CACNA2D1: variants seen among roughly 807,000 people sequenced by gnomAD.
CACNA2D1 encodes the protein voltage-dependent calcium channel subunit alpha-2/delta-1.
A neutral mutation model predicts 171.5 loss-of-function variants in CACNA2D1; 53 were observed. The ratio of observed to expected loss-of-function variants is 0.31; its 90% CI spans 0.25 to 0.39. The LOEUF (loss-of-function observed/expected upper bound fraction) is 0.39. Ranked by LOEUF, CACNA2D1 falls within the 10% of genes least tolerant of loss-of-function variation. CACNA2D1 has a pLI of 1.00. For missense variants in CACNA2D1, 903 were observed against 1,299.8 expected, an observed-to-expected ratio of 0.69 and a Z score of 4.69; for synonymous variants, 442 against 443.1, an observed-to-expected ratio of 1.00 and a Z score of 0.03.
intron 3 of CACNA2D1, among the ~76,000 whole-genome samples, chr7:82,230,563 T>A (rs982951222): frequency 1.3e-5 from 2 of 152,152 alleles, no homozygotes; most frequent in African/African-American, 2.4e-5. Context: ...CGCGCAAGAA[T>A]CATGTATTGG....
chr7:82,333,060 T>A (rs1390894805), intron 3 of CACNA2D1, among the ~76,000 whole-genome samples: 1 of 152,090 alleles, frequency 6.6e-6, no homozygotes. Context: ...TAACAAAAGA[T>A]GTATAAGAAG....
intron 1 of CACNA2D1, among the ~76,000 whole-genome samples, chr7:82,395,559 A>T (rs1336477589): frequency 2.6e-5 from 4 of 152,200 alleles, no homozygotes; most frequent in Non-Finnish European, 5.9e-5. Context: ...ATTTCATTTA[A>T]ATTCATTGAT....
intron 10 of CACNA2D1, among the ~76,000 whole-genome samples, chr7:82,042,473 A>G (rs1016798906): frequency 2.0e-5 from 3 of 152,190 alleles, no homozygotes; most frequent in Admixed American, 1.3e-4. Flanking sequence ...TTCTTGTAAA[A>G]GTGTGTATTT....
Position 82,267,713 on chromosome 7 carries a change from G to A in CACNA2D1, c.294+67422C>T, listed in dbSNP as rs893876235. Among the ~76,000 whole-genome samples the A allele has an allele frequency of 3.9e-5, 6 of 152,088 alleles. No homozygotes were observed. In the East Asian group the frequency reaches 9.6e-4, roughly 24 times the overall value. On this transcript the variant is annotated intron_variant, in intron 3 of 38. Transcript: ENST00000356860. Reference sequence around the variant, plus strand: ...TGAAAGCCCTTAAACCTACAAACTCGGCTGGGTGTGGTGGTTCACTCCTGT... The same window carrying A: ...TGAAAGCCCTTAAACCTACAAACTCAGCTGGGTGTGGTGGTTCACTCCTGT...
intron 3 of CACNA2D1, among the ~76,000 whole-genome samples, chr7:82,268,053 C>CA (rs1458840723): frequency 6.6e-6 from 1 of 151,846 alleles, no homozygotes; most frequent in African/African-American, 2.4e-5. Context: ...ATTTAGGGAA[C>CA]AAAAATAAAT....
intron 3 of CACNA2D1, among the ~76,000 whole-genome samples, chr7:82,190,474 T>C (rs1268838333): frequency 6.6e-6 from 1 of 151,818 alleles, no homozygotes; most frequent in Non-Finnish European, 1.5e-5. Flanking sequence ...TCAGCTTCAT[T>C]AACTTTCCTC....
At chr7:81,969,822 G>C in intron 28 of CACNA2D1, 59 bp downstream of exon 28, 2 of 897,380 alleles carry the variant, frequency 2.2e-6, no homozygotes, top group Non-Finnish European at 3.7e-6. Context: ...AGAGCAGATA[G>C]TAGCAGTAAT....
At chr7:82,372,030 T>C (rs997628442) in intron 1 of CACNA2D1, among the ~76,000 whole-genome samples, 8 of 152,310 alleles carry the variant, frequency 5.3e-5, no homozygotes, top group South Asian at 4.1e-4. Context: ...TAAAAGACTA[T>C]AGGCCTAGTA....
At chr7:82,222,582 G>C (rs1007049859) in intron 3 of CACNA2D1, among the ~76,000 whole-genome samples, 3 of 152,140 alleles carry the variant, frequency 2.0e-5, no homozygotes, top group African/African-American at 7.2e-5. Flanking sequence ...TATCACGAAT[G>C]CTTTCTCCTC....
intron 18 of CACNA2D1, among the ~76,000 whole-genome samples, chr7:82,005,089 G>C (rs1241116433): frequency 4.6e-5 from 7 of 152,080 alleles, no homozygotes; most frequent in Admixed American, 4.6e-4. Flanking sequence ...ATATTTATCA[G>C]GTTCACACTC....
At chr7:82,180,459 C>T (rs1797001800) in intron 3 of CACNA2D1, among the ~76,000 whole-genome samples, 1 of 152,178 alleles carries the variant, frequency 6.6e-6, no homozygotes, top group African/African-American at 2.4e-5. Flanking sequence ...AGGGTATCTC[C>T]TGCATCTGTG....
At position 82,437,445 on chromosome 7, in the gene CACNA2D1, C is replaced by T. The variant is rs184249421; in HGVS notation, c.95+5920G>A. Among the ~76,000 whole-genome samples the T allele has an allele frequency of 2.6e-5, 4 of 152,114 alleles. No individual in the cohort carries two copies. The East Asian group carries it at 7.7e-4, about 29-fold the overall frequency. On this transcript the variant is annotated intron_variant, in intron 1 of 38. Coordinates refer to ENST00000356860, the MANE Select transcript of CACNA2D1 (RefSeq NM_000722.4). Reference sequence around the variant, plus strand: ...ACTGCCACCAGTTCAAGTTTTTCTTCCATTTATGATACAGAATTTTAAATG... The same window carrying T: ...ACTGCCACCAGTTCAAGTTTTTCTTTCATTTATGATACAGAATTTTAAATG...
At position 81,949,278 on chromosome 7, in the gene CACNA2D1, A is replaced by G. The variant is rs1792284916; in HGVS notation, c.*1114T>C. 6.6e-6 allele frequency: 1 copy of G among 152,088 alleles called. No homozygotes were observed. The highest frequency in any genetic ancestry group is 2.4e-5 in the African/African-American group (1 of 41,442). 9.4% of individuals were successfully genotyped at this position (152,088 alleles called of 1,614,324 possible). A position where few individuals can be genotyped will look rare whatever the true frequency, so the allele number is the denominator to read the frequency against. On this transcript the variant is annotated 3_prime_UTR_variant, in exon 39 of 39. Coordinates refer to ENST00000356860, the MANE Select transcript of CACNA2D1 (RefSeq NM_000722.4). ...GCATGAATCTGTATAAAATTCATTA[A>G]TTCTCATTTCACCATTTATCTAACC...
chr7:82,297,096 A>AAT (rs1812392855), intron 3 of CACNA2D1, among the ~76,000 whole-genome samples: 27 of 133,126 alleles, frequency 2.0e-4, no homozygotes, highest in African/African-American at 7.3e-4. Flanking sequence ...AAAAAAAAAA[A>AAT]ATTAGCCAGG....
At chr7:82,040,276 G>A (rs537592426) in intron 10 of CACNA2D1, among the ~76,000 whole-genome samples, 21 of 152,204 alleles carry the variant, frequency 1.4e-4, no homozygotes, top group African/African-American at 5.1e-4. Flanking sequence ...GCATCTGGAA[G>A]GATAGAGGAC....
chr7:82,441,137 C>A (rs992747629), intron 1 of CACNA2D1, among the ~76,000 whole-genome samples: 38 of 151,924 alleles, frequency 2.5e-4, no homozygotes, highest in Admixed American at 2.3e-3. Flanking sequence ...CATATGAATT[C>A]TTTTCTCGAA....
At chr7:82,356,200 G>A (rs1820405774) in intron 1 of CACNA2D1, among the ~76,000 whole-genome samples, 1 of 152,066 alleles carries the variant, frequency 6.6e-6, no homozygotes, top group Non-Finnish European at 1.5e-5. Flanking sequence ...GTCTTTCACT[G>A]ATGAGAAAAA....
intron 4 of CACNA2D1, among the ~76,000 whole-genome samples, chr7:82,161,263 G>A (rs575370157): frequency 2.6e-5 from 4 of 152,104 alleles, no homozygotes; most frequent in Admixed American, 6.6e-5. Flanking sequence ...AGACATGAGG[G>A]AAGGTCAAAG....
intron 6 of CACNA2D1, among the ~76,000 whole-genome samples, chr7:82,100,012 T>C (rs898106635): frequency 5.9e-5 from 9 of 152,066 alleles, no homozygotes; most frequent in African/African-American, 1.7e-4. Context: ...GGGTTGCATG[T>C]TTACCTATGT....
Sources: gnomAD v4.1 joint callset for allele counts (sites outside exome capture counted in the v4.1 genomes callset) on GRCh38, gnomAD v4.1.1 for gene constraint, MANE v1.5 for transcripts, NCBI Gene and HGNC (gene_info 2026-07-23, HGNC 2026-07-21) for gene names.